Variants in CARMIL1 observed in about 807,000 individuals in gnomAD.
CARMIL1 encodes F-actin-uncapping protein LRRC16A.
Under a neutral mutation model 177.1 loss-of-function variants are expected in CARMIL1, and 90 were observed. The ratio of observed to expected loss-of-function variants is 0.51; its 90% CI spans 0.43 to 0.61. The LOEUF (loss-of-function observed/expected upper bound fraction) is 0.61. Among genes scored for constraint, CARMIL1 ranks in the 20% least tolerant of loss-of-function variants. The probability of loss-of-function intolerance (pLI) is 0.00; values close to 1 mark genes in which losing one functional copy is unlikely to be tolerated. For synonymous variants in CARMIL1, 577 were observed against 606.2 expected, an observed-to-expected ratio of 0.95 and a Z score of 0.71; for missense variants, 1,380 against 1,667.0, an observed-to-expected ratio of 0.83 and a Z score of 3.00.
chr6:25,530,137 A>T (rs1287642904), intron 24 of CARMIL1, among the ~76,000 whole-genome samples: 1 of 152,078 alleles, frequency 6.6e-6, no homozygotes, highest in African/African-American at 2.4e-5. Flanking sequence ...ATGAGTGGGC[A>T]AAAGGACCCA....
intron 2 of CARMIL1, among the ~76,000 whole-genome samples, chr6:25,324,062 G>C (rs952079929): frequency 2.0e-5 from 3 of 152,206 alleles, no homozygotes; most frequent in Admixed American, 6.5e-5. Context: ...CTCCATCTGG[G>C]AGCCCATGGC....
At chr6:25,546,866 A>T (rs949798148) in intron 26 of CARMIL1, among the ~76,000 whole-genome samples, 1 of 151,970 alleles carries the variant, frequency 6.6e-6, no homozygotes, top group Non-Finnish European at 1.5e-5. Flanking sequence ...CCTGGCTAAC[A>T]TGGCAAAACC....
intron 2 of CARMIL1, among the ~76,000 whole-genome samples, chr6:25,337,609 GGT>G (rs1239545647): frequency 6.6e-6 from 1 of 152,228 alleles, no homozygotes; most frequent in African/African-American, 2.4e-5. Flanking sequence ...TTCTCTGAAA[GGT>G]GCTATAGAGA....
At chr6:25,306,529 A>G (rs1039977946) in intron 2 of CARMIL1, among the ~76,000 whole-genome samples, 1 of 152,204 alleles carries the variant, frequency 6.6e-6, no homozygotes, top group Non-Finnish European at 1.5e-5. Context: ...GTTGTCTTCC[A>G]GGAAACCAGT....
chr6:25,309,491 T>G (rs904870421), intron 2 of CARMIL1, among the ~76,000 whole-genome samples: 3 of 147,290 alleles, frequency 2.0e-5, no homozygotes, highest in Non-Finnish European at 3.0e-5. Flanking sequence ...TTTTTTTTTT[T>G]TAACCCCAAA....
In CARMIL1 at chr6:25,488,573, A is replaced by G. The variant is rs921480166; in HGVS notation, c.1053A>G (p.Gly351=). 2.5e-6 allele frequency: 4 copies of G among 1,613,278 alleles called. No individual in the cohort carries two copies. The South Asian group carries it at 4.4e-5, about 18-fold the overall frequency. Residue 351 remains glycine, a synonymous_variant, in exon 13 of 37, where the codon GGA becomes GGG. Transcript: ENST00000329474. The part of the protein sequence containing the change: ...HLDLSGNVLR[G]DDLSHMYNFL... The stretch of plus-strand genomic sequence containing the variant: ...ACCTCTCAGGGAACGTCCTTCGTGG[A>G]GATGACCTCTCAGTAAGTTTTCTTT...
chr6:25,530,801 G>A (rs1320550952), intron 24 of CARMIL1, among the ~76,000 whole-genome samples: 4 of 152,034 alleles, frequency 2.6e-5, no homozygotes, highest in African/African-American at 9.7e-5. Flanking sequence ...CTGAGAGAAA[G>A]TTTTTAAAAA....
chr6:25,465,102 G>A (rs1800482763), intron 8 of CARMIL1, among the ~76,000 whole-genome samples: 1 of 150,246 alleles, frequency 6.7e-6, no homozygotes, highest in Non-Finnish European at 1.5e-5. Flanking sequence ...AGACCAAATG[G>A]TTGCAAAATG....
At chr6:25,544,359 G>A (rs1809217112) in intron 26 of CARMIL1, among the ~76,000 whole-genome samples, 1 of 151,938 alleles carries the variant, frequency 6.6e-6, no homozygotes, top group South Asian at 2.1e-4. Flanking sequence ...CTTGAAAGGA[G>A]GCCAGAGTTG....
At chr6:25,280,561 G>A (rs183898016) in intron 1 of CARMIL1, among the ~76,000 whole-genome samples, 1 of 151,538 alleles carries the variant, frequency 6.6e-6, no homozygotes, top group East Asian at 1.9e-4. Context: ...GCTGTGCAAG[G>A]TGACCCATTG....
intron 8 of CARMIL1, among the ~76,000 whole-genome samples, chr6:25,462,736 T>G (rs928554796): frequency 5.9e-5 from 9 of 152,204 alleles, no homozygotes; most frequent in African/African-American, 1.9e-4. Flanking sequence ...TCTTAGGGCT[T>G]TTTGTTTGTT....
intron 2 of CARMIL1, among the ~76,000 whole-genome samples, chr6:25,407,760 G>T (rs1184829546): frequency 2.0e-5 from 3 of 152,166 alleles, no homozygotes; most frequent in South Asian, 2.1e-4. Flanking sequence ...AGGTTCAGTT[G>T]GATGAAGATA....
At chr6:25,408,292 T>TAAAA (rs1166997029) in intron 2 of CARMIL1, among the ~76,000 whole-genome samples, 70 of 96,420 alleles carry the variant, frequency 7.3e-4, no homozygotes, top group East Asian at 1.2e-3. Flanking sequence ...TCTCTTAAAA[T>TAAAA]AAAAAAAAAA....
intron 2 of CARMIL1, among the ~76,000 whole-genome samples, chr6:25,382,077 G>A (rs1369459851): frequency 1.3e-5 from 2 of 152,080 alleles, no homozygotes; most frequent in African/African-American, 4.8e-5. Flanking sequence ...GAAACTCTGT[G>A]CTAGGAACTG....
At chr6:25,475,084 A>G (rs1053588343) in intron 11 of CARMIL1, among the ~76,000 whole-genome samples, 2 of 152,266 alleles carry the variant, frequency 1.3e-5, no homozygotes, top group African/African-American at 4.8e-5. Flanking sequence ...GTACAGCCAC[A>G]TGCAAAACAT....
chr6:25,614,769 C>T (rs1288647697), intron 36 of CARMIL1, among the ~76,000 whole-genome samples: 1 of 152,200 alleles, frequency 6.6e-6, no homozygotes, highest in East Asian at 1.9e-4. Context: ...CTACCTGCCG[C>T]CCAGTGCCTA....
chr6:25,309,706 A>G (rs1783619337), intron 2 of CARMIL1, among the ~76,000 whole-genome samples: 1 of 151,488 alleles, frequency 6.6e-6, no homozygotes, highest in Non-Finnish European at 1.5e-5. Context: ...AGCATGGGTT[A>G]GAACTTCATT....
intron 2 of CARMIL1, among the ~76,000 whole-genome samples, chr6:25,288,157 G>C (rs1474654796): frequency 1.3e-5 from 2 of 152,348 alleles, no homozygotes; most frequent in East Asian, 3.9e-4. Context: ...TTCACTGGAT[G>C]AGTAGGAGTT....
At chr6:25,472,003 A>G (rs1271613142) in intron 10 of CARMIL1, among the ~76,000 whole-genome samples, 3 of 152,248 alleles carry the variant, frequency 2.0e-5, no homozygotes, top group African/African-American at 7.2e-5. Context: ...AGCACTAGCA[A>G]TTGTAACCTT....
Sources: allele counts gnomAD v4.1 joint callset (sites outside exome capture counted in the v4.1 genomes callset), GRCh38; gene constraint gnomAD v4.1.1; transcripts MANE v1.5; gene names NCBI Gene and HGNC (gene_info 2026-07-23, HGNC 2026-07-21).